RELN: variants seen among roughly 807,000 people sequenced by gnomAD.
RELN encodes reelin.
In RELN, 108 loss-of-function variants were observed where a neutral mutation model predicts 427.6. That is an observed-to-expected ratio of 0.25 (90% CI 0.22 to 0.30). RELN has a LOEUF of 0.30. Among genes scored for constraint, RELN ranks in the 10% least tolerant of loss-of-function variants. The pLI is 1.00. For missense variants in RELN, 3,715 were observed against 4,302.8 expected (o/e 0.86, Z 3.82); for synonymous variants, 1,524 against 1,513.4 (o/e 1.01, Z -0.16).
At chr7:103,494,365 T>TTTTGTGTGTGTGTGTGTGTGTGTGTG (rs1828762534) in intron 57 of RELN, among the ~76,000 whole-genome samples, 2 of 118,256 alleles carry the variant, frequency 1.7e-5, no homozygotes, top group African/African-American at 6.8e-5. Context: ...GTAATGACTT[T>TTTTGTGTGTGTGTGTGTGTGTGTGTG]TGTGTGTGTG....
chr7:103,834,035 C>T (rs1386078803), intron 2 of RELN, among the ~76,000 whole-genome samples: 9 of 152,074 alleles, frequency 5.9e-5, no homozygotes, highest in African/African-American at 1.9e-4. Flanking sequence ...AGGTGGGAGG[C>T]ATCTCAGTAA....
intron 10 of RELN, among the ~76,000 whole-genome samples, chr7:103,690,368 A>G (rs527342419): frequency 3.3e-5 from 5 of 152,158 alleles, no homozygotes; most frequent in Admixed American, 3.3e-4. Context: ...ATGTTCCTTG[A>G]GATTAATCAT....
chr7:103,519,916 T>A (rs1241288362), intron 48 of RELN, among the ~76,000 whole-genome samples: 1 of 152,218 alleles, frequency 6.6e-6, no homozygotes, highest in Non-Finnish European at 1.5e-5. Context: ...TCTTACCCTC[T>A]TTCTTACTAT....
At chr7:103,535,530 C>T (rs758797386) in intron 45 of RELN, 46 bp from the exon 46 acceptor site, 5 of 1,522,994 alleles carry the variant, frequency 3.3e-6, no homozygotes, top group Non-Finnish European at 4.6e-6. Context: ...TATCTGCAGA[C>T]CCAGGAACCA....
intron 1 of RELN, among the ~76,000 whole-genome samples, chr7:103,963,745 T>G (rs1203682801): frequency 1.3e-5 from 2 of 152,202 alleles, no homozygotes; most frequent in African/African-American, 4.8e-5. Flanking sequence ...AAAATAGCCT[T>G]GTTATGGGGA....
rs115560688 is a variant in RELN at position 103,498,154 on chromosome 7, G to A, written c.8766C>T (p.Ala2922=). ...GSTCTECGIL[A]EDTALYFGGS... ...CCCCAAAATAGAGTGCAGTGTCCTC[G>A]GCAAGAATTCCACACTCAGTGCAAG... The change falls in exon 54 of 65, where the codon GCC becomes GCT. Residue 2922 remains alanine (A), a synonymous_variant. Transcript: ENST00000428762. The A allele has an allele frequency of 1.2e-5, 19 of 1,613,962 alleles. No individual in the cohort carries two copies. In the East Asian group the frequency reaches 2.0e-4, roughly 17 times the overall value.
chr7:103,573,921 C>G lies in RELN; in HGVS notation c.4511+171G>C, dbSNP rs978785849. ...AATTGCAGCATGGTCTTTGTAGAAA[C>G]CACCTATTTTATTCCAAAGCTAAAG... On this transcript the variant is annotated intron_variant, in intron 30 of 64. Transcript: ENST00000428762. This position sits in a 1 kb window ranked among gnomAD's most constrained non-coding sequence, Gnocchi z 4.4. Among the ~76,000 whole-genome samples the G allele has an allele frequency of 2.0e-5, 3 of 152,152 alleles. No homozygotes were observed. Among genetic ancestry groups the G allele is most frequent in the Non-Finnish European group, 4.4e-5 (3 of 68,026 alleles).
intron 38 of RELN, 59 bp from the exon 39 acceptor site, chr7:103,553,890 T>G (rs185822774): frequency 1.4e-6 from 2 of 1,455,820 alleles, no homozygotes; most frequent in Non-Finnish European, 1.9e-6. Flanking sequence ...TGAACACTTT[T>G]GCTCATTGAA....
chr7:103,939,608 G>T (rs549621801), intron 1 of RELN, among the ~76,000 whole-genome samples: 1 of 152,224 alleles, frequency 6.6e-6, no homozygotes, highest in South Asian at 2.1e-4. Context: ...AAATAATCAT[G>T]CTCCTTGATC....
chr7:103,881,274 C>G (rs10254112), intron 2 of RELN, among the ~76,000 whole-genome samples: 119,595 of 151,948 alleles, frequency 0.79, 47,117 homozygotes, highest in East Asian at 0.87. Flanking sequence ...TATCTCATTA[C>G]AGCATTTGAC....
At chr7:103,885,338 C>CAA (rs10650410) in intron 2 of RELN, among the ~76,000 whole-genome samples, 51,807 of 141,766 alleles carry the variant, frequency 0.37, 9,522 homozygotes, top group Non-Finnish European at 0.43. Context: ...GACTCCATCT[C>CAA]AAAAAAAAAA....
At chr7:103,813,438 T>C (rs1792792806) in intron 3 of RELN, among the ~76,000 whole-genome samples, 1 of 152,198 alleles carries the variant, frequency 6.6e-6, no homozygotes, top group Non-Finnish European at 1.5e-5. Context: ...AGTAACTTTA[T>C]CTTCAGATGG....
chr7:103,643,833 C>T (rs1208789378), intron 16 of RELN, among the ~76,000 whole-genome samples: 2 of 151,946 alleles, frequency 1.3e-5, no homozygotes, highest in African/African-American at 4.8e-5. Flanking sequence ...CCACAAACTC[C>T]TGAAATCAAG....
At chr7:103,908,647 G>T (rs753201412) in intron 2 of RELN, among the ~76,000 whole-genome samples, 1 of 152,094 alleles carries the variant, frequency 6.6e-6, no homozygotes, top group Non-Finnish European at 1.5e-5. Flanking sequence ...TATTTGTCAT[G>T]CTCACTATTT....
chr7:103,931,792 C>G (rs1795871478), intron 1 of RELN, among the ~76,000 whole-genome samples: 1 of 152,196 alleles, frequency 6.6e-6, no homozygotes, highest in African/African-American at 2.4e-5. Context: ...TATGCTTCCA[C>G]TGTCCAGGCA....
Position 103,482,960 on chromosome 7 carries a change from A to G in RELN, c.10193T>C (p.Met3398Thr), listed in dbSNP as rs774103320. The stretch of plus-strand genomic sequence containing the variant: ...CCACCAGCGCAGTAAGACTCCTTTC[A>G]TCCGTGCCTCCCTGGGTCACACACA... ...VSYNVPLEARMKGVLLRWWQP... is the reference protein window; with the variant it reads ...VSYNVPLEARTKGVLLRWWQP... Residue 3398 changes from methionine (M) to threonine (T), a missense_variant, in exon 63 of 65, where the codon ATG (methionine) becomes ACG (threonine). Around this residue, in one of 4 missense-constraint regions of RELN, gnomAD observed 195 missense variants for 281.3 expected, o/e 0.69. Coordinates refer to ENST00000428762, the MANE Select transcript of RELN (RefSeq NM_005045.4). 2 of 1,614,116 alleles carry G rather than the reference A, an allele frequency of 1.2e-6. No individual in the cohort carries two copies. The highest frequency in any genetic ancestry group is 1.7e-5 in the Admixed American group (1 of 60,024).
chr7:103,972,431 C>A (rs1796782876), intron 1 of RELN, among the ~76,000 whole-genome samples: 1 of 152,214 alleles, frequency 6.6e-6, no homozygotes, highest in African/African-American at 2.4e-5. Context: ...TTCACTGGAT[C>A]TCATAACTAA....
At position 103,551,275 on chromosome 7, in the gene RELN, C is replaced by T. The variant is rs1310571242; in HGVS notation, c.6094G>A (p.Asp2032Asn). The stretch of plus-strand genomic sequence containing the variant: ...CTCACTGGATCCGCGGATGAGCTAT[C>T]AGTCGAACAGCCAACGTTGATCTTG... ...QFEINVGCST[D>N]SSSADPVRLE... Residue 2032 changes from aspartate (D) to asparagine (N), a missense_variant, in exon 41 of 65, where the codon GAT becomes AAT. Physicochemically the swap from Asp to Asn is conservative, Grantham distance 23 (BLOSUM62 1). This residue lies in a region of RELN where 1,310 missense variants were observed against 1,643.0 expected (regional missense o/e 0.80). Transcript: ENST00000428762. The T allele has an allele frequency of 1.3e-5, 21 of 1,613,640 alleles. No individual in the cohort carries two copies. Among genetic ancestry groups the T allele is most frequent in the Non-Finnish European group, 1.8e-5 (21 of 1,179,986 alleles).
At chr7:103,602,208 C>A (rs549911066) in intron 24 of RELN, among the ~76,000 whole-genome samples, 2 of 152,260 alleles carry the variant, frequency 1.3e-5, no homozygotes, top group South Asian at 4.1e-4. Flanking sequence ...TACATACTAA[C>A]CCTCATGAGG....
Sources: gnomAD v4.1 joint callset for allele counts (sites outside exome capture counted in the v4.1 genomes callset) on GRCh38, gnomAD v4.1.1 for gene constraint, gnomAD v4.1.1 regional missense constraint, Gnocchi (gnomAD v3.1) non-coding constraint, MANE v1.5 for transcripts, NCBI Gene and HGNC (gene_info 2026-07-23, HGNC 2026-07-21) for gene names.